The following SHLD1 variants were observed in gnomAD, a reference collection of about 807,000 sequenced individuals.
SHLD1 encodes RINN1-REV7-interacting novel NHEJ regulator 3.
In SHLD1, 3 loss-of-function variants were observed where a neutral mutation model predicts 5.5. The observed-to-expected ratio is 0.54, with a 90% CI of 0.25 to 1.40. The LOEUF is 1.40. Among genes scored for constraint, SHLD1 ranks in the 40% most tolerant of loss-of-function variants. SHLD1 has a pLI of 0.15. For missense variants in SHLD1, 210 were observed against 244.4 expected, an observed-to-expected ratio of 0.86 and a Z score of 0.94; for synonymous variants, 92 against 94.3, an observed-to-expected ratio of 0.98 and a Z score of 0.14.
intron 2 of SHLD1, among the ~76,000 whole-genome samples, chr20:5,834,851 G>T (rs1600165996): frequency 1.3e-5 from 2 of 152,178 alleles, no homozygotes; most frequent in African/African-American, 2.4e-5. Context: ...GGTTCACAGA[G>T]GGCACCTTCT....
chr20:5,814,310 C>T (rs2087499586), intron 2 of SHLD1, among the ~76,000 whole-genome samples: 1 of 152,076 alleles, frequency 6.6e-6, no homozygotes. Flanking sequence ...GGTATCAATC[C>T]AAGAAGCATC....
At chr20:5,831,907 C>G (rs1568523744) in intron 2 of SHLD1, among the ~76,000 whole-genome samples, 1 of 152,066 alleles carries the variant, frequency 6.6e-6, no homozygotes, top group Admixed American at 6.6e-5. Flanking sequence ...TCCTATAATA[C>G]ATGTGCTTTC....
At chr20:5,778,170 G>T (rs1038994550) in intron 2 of SHLD1, among the ~76,000 whole-genome samples, 1 of 145,924 alleles carries the variant, frequency 6.9e-6, no homozygotes, top group African/African-American at 2.5e-5. Flanking sequence ...AGGCTGGAGT[G>T]CAGTGGCGCG....
Position 5,831,737 on chromosome 20 carries a change from C to T in SHLD1, c.179-31287C>T, listed in dbSNP as rs184032793. On this transcript the variant is annotated intron_variant, in intron 2 of 2. Transcript: ENST00000303142. ...TGCCGAATCCCTTTGATCTCTCTCT[C>T]TCTCTCTCTCTCAATTTTCTTGTTT... Among the ~76,000 whole-genome samples, 162 of 152,204 alleles carry T rather than the reference C, an allele frequency of 1.1e-3. 1 individual carries two copies. Among genetic ancestry groups the T allele is most frequent in the African/African-American group, 3.8e-3 (157 of 41,534 alleles).
At chr20:5,795,427 C>T (rs2087197430) in intron 2 of SHLD1, among the ~76,000 whole-genome samples, 1 of 151,696 alleles carries the variant, frequency 6.6e-6, no homozygotes, top group Non-Finnish European at 1.5e-5. Context: ...CAAAACCCCC[C>T]TCTGTACTAA....
chr20:5,775,923 A>ATTTTTTTTTTTTTTTTTTTTTTT lies in SHLD1; in HGVS notation c.178+2902_178+2903insTTTTTTTTTTTTTTTTTTTTTTT, dbSNP rs533313849. On this transcript the variant is annotated intron_variant, in intron 2 of 2. Coordinates refer to ENST00000303142, the MANE Select transcript of SHLD1 (RefSeq NM_152504.4). ...TGCAGTACTGCCTGGTCAGCTCAGGATTTTTTTTTTTTTTTTTTTTTTGAG... is the reference window on the plus strand; with the variant it reads ...TGCAGTACTGCCTGGTCAGCTCAGGATTTTTTTTTTTTTTTTTTTTTTTTTTTTTTTTTTTTTTTTTTTTTGAG... Among the ~76,000 whole-genome samples, 34 of 77,682 alleles carry ATTTTTTTTTTTTTTTTTTTTTTT rather than the reference A, an allele frequency of 4.4e-4. 6 individuals are homozygous for ATTTTTTTTTTTTTTTTTTTTTTT. The highest frequency in any genetic ancestry group is 6.5e-4 in the African/African-American group (11 of 16,796). 51.0% of individuals were successfully genotyped at this position (77,682 alleles called of 152,430 possible).
At chr20:5,755,521 TG>T (rs1361512822) in intron 1 of SHLD1, among the ~76,000 whole-genome samples, 1 of 152,024 alleles carries the variant, frequency 6.6e-6, no homozygotes, top group Non-Finnish European at 1.5e-5. Context: ...TCAGAAAGGT[TG>T]GGGGCTACTG....
chr20:5,760,290 C>T (rs1340008551), intron 1 of SHLD1, among the ~76,000 whole-genome samples: 2 of 151,864 alleles, frequency 1.3e-5, no homozygotes, highest in Non-Finnish European at 2.9e-5. Flanking sequence ...TCCGCAGTTG[C>T]AAGGAGAGGT....
At chr20:5,759,504 A>G (rs1241283328) in intron 1 of SHLD1, among the ~76,000 whole-genome samples, 1 of 151,516 alleles carries the variant, frequency 6.6e-6, no homozygotes, top group East Asian at 1.9e-4. Flanking sequence ...CAAGTGATCC[A>G]CCCACCTTGG....
At chr20:5,834,951 T>C (rs1203802437) in intron 2 of SHLD1, among the ~76,000 whole-genome samples, 1 of 152,184 alleles carries the variant, frequency 6.6e-6, no homozygotes, top group African/African-American at 2.4e-5. Flanking sequence ...CTTCATGACC[T>C]AATCATCTCC....
intron 2 of SHLD1, among the ~76,000 whole-genome samples, chr20:5,783,662 A>G (rs972370017): frequency 6.6e-6 from 1 of 152,186 alleles, no homozygotes; most frequent in Non-Finnish European, 1.5e-5. Flanking sequence ...AGGATAAACC[A>G]TAAGTGTATA....
At chr20:5,790,494 C>T (rs570796113) in intron 2 of SHLD1, among the ~76,000 whole-genome samples, 26 of 146,430 alleles carry the variant, frequency 1.8e-4, no homozygotes, top group African/African-American at 3.3e-4. Context: ...ACTGTTTCAC[C>T]GAGGCTGGAG....
intron 1 of SHLD1, among the ~76,000 whole-genome samples, chr20:5,764,527 C>CAAAA (rs375996514): frequency 8.1e-5 from 9 of 111,038 alleles, no homozygotes; most frequent in South Asian, 3.1e-4. Context: ...GACCTTGTCT[C>CAAAA]AAAAAAAAAA....
Position 5,838,042 on chromosome 20 carries a change from G to A in SHLD1, c.179-24982G>A, listed in dbSNP as rs61110012. Among the ~76,000 whole-genome samples, 3 of 152,302 alleles carry A rather than the reference G, an allele frequency of 2.0e-5. No individual in the cohort carries two copies. In the East Asian group the frequency reaches 5.8e-4, roughly 29 times the overall value. ...AACATTGTACAGTAAATGAAACGTA[G>A]TACATTTAGTAGCGATCAATCTTTG... is the stretch of plus-strand genomic sequence containing the variant. On this transcript the variant is annotated intron_variant, in intron 2 of 2. Transcript: ENST00000303142.
At chr20:5,816,277 ATGAC>A (rs1335992006) in intron 2 of SHLD1, among the ~76,000 whole-genome samples, 2 of 152,144 alleles carry the variant, frequency 1.3e-5, no homozygotes, top group African/African-American at 4.8e-5. Flanking sequence ...TTTTCCTTGA[ATGAC>A]ATTTTTTTTA....
chr20:5,758,427 T>A (rs181132765), intron 1 of SHLD1, among the ~76,000 whole-genome samples: 5,707 of 145,994 alleles, frequency 0.039, 247 homozygotes, highest in African/African-American at 0.11. Context: ...TTTTTTATAT[T>A]TTTTTTTTTT....
chr20:5,795,322 C>G (rs2087196190), intron 2 of SHLD1, among the ~76,000 whole-genome samples: 1 of 151,902 alleles, frequency 6.6e-6, no homozygotes, highest in South Asian at 2.1e-4. Context: ...ATAGGCTGGG[C>G]ATGGTGGCTA....
chr20:5,841,309 G>A (rs546815427), intron 2 of SHLD1, among the ~76,000 whole-genome samples: 3 of 152,068 alleles, frequency 2.0e-5, no homozygotes, highest in African/African-American at 4.8e-5. Flanking sequence ...TTATATATGT[G>A]GGTGTATACC....
At chr20:5,782,380 T>G (rs2086999739) in intron 2 of SHLD1, among the ~76,000 whole-genome samples, 1 of 152,188 alleles carries the variant, frequency 6.6e-6, no homozygotes, top group South Asian at 2.1e-4. Context: ...GTATCTCACC[T>G]GCACCCTCTG....
Sources: allele counts gnomAD v4.1 joint callset (sites outside exome capture counted in the v4.1 genomes callset), GRCh38; gene constraint gnomAD v4.1.1; transcripts MANE v1.5; gene names NCBI Gene and HGNC (gene_info 2026-07-23, HGNC 2026-07-21).